The following ATP1B3 variants were observed in gnomAD, a reference collection of about 807,000 sequenced individuals.
ATP1B3 encodes ATPase Na+/K+ transporting subunit beta 3.
In ATP1B3, 10 loss-of-function variants were observed where a neutral mutation model predicts 30.2. That is an observed-to-expected ratio of 0.33 (90% CI 0.20 to 0.56). The LOEUF is 0.56. ATP1B3 is among the 20% of genes least tolerant of loss of function. The pLI is 0.90. For synonymous variants in ATP1B3, 113 were observed against 117.0 expected (o/e 0.97, Z 0.22); for missense variants, 238 against 336.7 (o/e 0.71, Z 2.29).
intron 1 of ATP1B3, among the ~76,000 whole-genome samples, chr3:141,895,998 T>C (rs1934058097): frequency 6.6e-6 from 1 of 152,180 alleles, no homozygotes; most frequent in Non-Finnish European, 1.5e-5. Flanking sequence ...TTTATGGGCT[T>C]ATTTTTGCAA....
At chr3:141,912,905 G>T (rs1934391134) in intron 3 of ATP1B3, among the ~76,000 whole-genome samples, 1 of 152,144 alleles carries the variant, frequency 6.6e-6, no homozygotes, top group Non-Finnish European at 1.5e-5. Flanking sequence ...CACCTGGGCG[G>T]CTTTAATAGT....
At position 141,876,913 on chromosome 3, in the gene ATP1B3, G is replaced by T; in HGVS notation, c.109+3G>T. ...GGGGCGCACCGCCAAGAGCTGGGGT[G>T]AGCGGGCAGCAGCTGGGCGTCCGGG... On this transcript the variant is annotated splice_donor_region_variant and intron_variant, in intron 1 of 6. Coordinates refer to ENST00000286371, the MANE Select transcript of ATP1B3 (RefSeq NM_001679.4). 6.4e-7 allele frequency: 1 copy of T among 1,563,110 alleles called. No homozygotes were observed. Among genetic ancestry groups the T allele is most frequent in the South Asian group, 1.1e-5 (1 of 87,328 alleles).
chr3:141,902,168 C>T, intron 1 of ATP1B3: 1 of 1,289,790 alleles, frequency 7.8e-7, no homozygotes, highest in South Asian at 1.2e-5. Flanking sequence ...GTGATGCTGT[C>T]TGAAGGTGAC....
At chr3:141,895,123 G>C (rs536519929) in intron 1 of ATP1B3, among the ~76,000 whole-genome samples, 4 of 151,570 alleles carry the variant, frequency 2.6e-5, no homozygotes, top group East Asian at 1.9e-4. Context: ...TGTTTTTTTT[G>C]GGGGGAGGGT....
At chr3:141,877,328 C>T (rs1933624475) in intron 1 of ATP1B3, among the ~76,000 whole-genome samples, 1 of 152,080 alleles carries the variant, frequency 6.6e-6, no homozygotes, top group Non-Finnish European at 1.5e-5. Context: ...AGGCGCCCGG[C>T]CCGCTGAGCG....
At chr3:141,880,550 G>C (rs906367027) in intron 1 of ATP1B3, among the ~76,000 whole-genome samples, 1 of 152,054 alleles carries the variant, frequency 6.6e-6, no homozygotes, top group Non-Finnish European at 1.5e-5. Context: ...ATGAAGCTTA[G>C]AGATCTAGTG....
At chr3:141,913,014 G>T (rs913233128) in intron 3 of ATP1B3, among the ~76,000 whole-genome samples, 2 of 152,016 alleles carry the variant, frequency 1.3e-5, no homozygotes, top group African/African-American at 2.4e-5. Context: ...CTATCCACTT[G>T]CCCTGGTTTA....
At chr3:141,925,328 C>T (rs930347640) in intron 6 of ATP1B3, among the ~76,000 whole-genome samples, 6 of 151,954 alleles carry the variant, frequency 3.9e-5, no homozygotes, top group Admixed American at 6.6e-5. Context: ...TGGGCTGTGG[C>T]GGCATGTGCC....
intron 5 of ATP1B3, chr3:141,918,138 CT>C (rs1413026760): frequency 6.6e-6 from 1 of 152,132 alleles, no homozygotes; most frequent in Admixed American, 6.5e-5. Context: ...AGTCAGAACA[CT>C]ATAGCTACAA....
intron 3 of ATP1B3, among the ~76,000 whole-genome samples, chr3:141,907,628 C>T (rs982744073): frequency 2.0e-5 from 3 of 150,340 alleles, no homozygotes; most frequent in South Asian, 2.1e-4. Context: ...GCAACAAGAG[C>T]GAAACTCCGT....
chr3:141,887,552 C>G (rs1226762865), intron 1 of ATP1B3, among the ~76,000 whole-genome samples: 1 of 152,186 alleles, frequency 6.6e-6, no homozygotes, highest in Non-Finnish European at 1.5e-5. Flanking sequence ...CAGTTCTACT[C>G]TTAGGTGTGT....
chr3:141,923,185 G>A (rs186098400), intron 6 of ATP1B3, among the ~76,000 whole-genome samples: 135 of 151,866 alleles, frequency 8.9e-4, no homozygotes, highest in African/African-American at 3.2e-3. Flanking sequence ...GACTGAGGCA[G>A]GAGAATCGCT....
chr3:141,904,329 C>T (rs1934223414), intron 2 of ATP1B3, among the ~76,000 whole-genome samples: 1 of 150,790 alleles, frequency 6.6e-6, no homozygotes, highest in South Asian at 2.1e-4. Context: ...CAGAAGTAAG[C>T]AAATGAATAT....
At chr3:141,914,825 C>T (rs1485278073) in intron 4 of ATP1B3, among the ~76,000 whole-genome samples, 1 of 152,218 alleles carries the variant, frequency 6.6e-6, no homozygotes, top group Non-Finnish European at 1.5e-5. Context: ...GACTGACACC[C>T]CTCCAACCTC....
intron 1 of ATP1B3, among the ~76,000 whole-genome samples, chr3:141,885,472 G>A (rs1361049262): frequency 1.3e-5 from 2 of 151,496 alleles, no homozygotes; most frequent in Admixed American, 1.3e-4. Context: ...TTTTCAGATG[G>A]AGTTTCGCTC....
At chr3:141,888,840 T>C (rs370442295) in intron 1 of ATP1B3, among the ~76,000 whole-genome samples, 49 of 152,278 alleles carry the variant, frequency 3.2e-4, no homozygotes, top group African/African-American at 1.2e-3. Context: ...GTGACTTTGC[T>C]TCTCATTCAC....
At chr3:141,889,754 TATACAC>T (rs1322048586) in intron 1 of ATP1B3, among the ~76,000 whole-genome samples, 18 of 75,020 alleles carry the variant, frequency 2.4e-4, no homozygotes, top group South Asian at 8.4e-4. Flanking sequence ...AAAAAAAATA[TATACAC>T]ACACACACAC....
chr3:141,918,100 A>C (rs1333506018), intron 5 of ATP1B3, among the ~76,000 whole-genome samples: 1 of 152,036 alleles, frequency 6.6e-6, no homozygotes, highest in African/African-American at 2.4e-5. Context: ...CTAAAAATCT[A>C]GTGGGCAGCA....
intron 1 of ATP1B3, among the ~76,000 whole-genome samples, chr3:141,887,446 A>C (rs1210687556): frequency 6.6e-6 from 1 of 152,220 alleles, no homozygotes; most frequent in Non-Finnish European, 1.5e-5. Context: ...ACCCCCGTTA[A>C]GTGTGTAAAT....
Sources: gnomAD v4.1 joint callset for allele counts (sites outside exome capture counted in the v4.1 genomes callset) on GRCh38, gnomAD v4.1.1 for gene constraint, MANE v1.5 for transcripts, NCBI Gene and HGNC (gene_info 2026-07-23, HGNC 2026-07-21) for gene names.